CDK6: variants seen among roughly 807,000 people sequenced by gnomAD.
The protein encoded by CDK6 is cyclin-dependent kinase 6.
Under a neutral mutation model 37.1 loss-of-function variants are expected in CDK6, and 6 were observed. The ratio of observed to expected loss-of-function variants is 0.16; its 90% CI spans 0.09 to 0.32. The LOEUF (loss-of-function observed/expected upper bound fraction) is 0.32. CDK6 is among the 10% of genes least tolerant of loss of function. CDK6 has a pLI of 1.00. For synonymous variants in CDK6, 160 were observed against 161.3 expected, an observed-to-expected ratio of 0.99 and a Z score of 0.06; for missense variants, 224 against 418.9, an observed-to-expected ratio of 0.53 and a Z score of 4.06.
chr7:92,765,198 C>A (rs923595345), intron 3 of CDK6, among the ~76,000 whole-genome samples: 1 of 152,016 alleles, frequency 6.6e-6, no homozygotes, highest in Admixed American at 6.5e-5. Flanking sequence ...TCCTGAGATA[C>A]GAGAATAGGG....
intron 4 of CDK6, among the ~76,000 whole-genome samples, chr7:92,672,122 C>T (rs1797083981): frequency 8.6e-6 from 1 of 116,496 alleles, no homozygotes; most frequent in African/African-American, 3.3e-5. Context: ...CACTTGTACC[C>T]CAAAAGCTGT....
chr7:92,688,672 C>T (rs1319311756), intron 4 of CDK6, among the ~76,000 whole-genome samples: 1 of 149,380 alleles, frequency 6.7e-6, no homozygotes, highest in East Asian at 2.0e-4. Flanking sequence ...AAGAACTGAA[C>T]TTAGTATTCT....
chr7:92,732,395 C>T (rs1012361055), intron 3 of CDK6, among the ~76,000 whole-genome samples: 17 of 152,150 alleles, frequency 1.1e-4, no homozygotes, highest in African/African-American at 3.9e-4. Context: ...CCAGCCTGGG[C>T]GACAGCTCTC....
At chr7:92,823,489 A>G (rs1224056970) in intron 2 of CDK6, among the ~76,000 whole-genome samples, 2 of 144,666 alleles carry the variant, frequency 1.4e-5, no homozygotes, top group African/African-American at 2.5e-5. Flanking sequence ...CAAAGAAGCT[A>G]TGTTCTCCCA....
intron 4 of CDK6, among the ~76,000 whole-genome samples, chr7:92,672,242 C>CACACACATAT (rs1374477819): frequency 2.6e-5 from 3 of 116,592 alleles, no homozygotes; most frequent in African/African-American, 8.6e-5. Context: ...CACACACACA[C>CACACACATAT]ATATATGAAG....
At chr7:92,689,091 T>G (rs1024792040) in intron 4 of CDK6, among the ~76,000 whole-genome samples, 1 of 152,186 alleles carries the variant, frequency 6.6e-6, no homozygotes. Context: ...TGGCCAACAC[T>G]CAGTGCCAGT....
At chr7:92,644,858 C>G (rs1303367274) in intron 5 of CDK6, among the ~76,000 whole-genome samples, 1 of 152,222 alleles carries the variant, frequency 6.6e-6, no homozygotes, top group Non-Finnish European at 1.5e-5. Context: ...GTCACCACCC[C>G]AGGCTGCCAA....
intron 3 of CDK6, among the ~76,000 whole-genome samples, chr7:92,729,881 A>G (rs1042820379): frequency 2.6e-5 from 4 of 152,154 alleles, no homozygotes; most frequent in African/African-American, 7.2e-5. Context: ...CTGGGACTAC[A>G]GGTGTGTGTT....
intron 4 of CDK6, among the ~76,000 whole-genome samples, chr7:92,698,627 T>G (rs1433425146): frequency 2.0e-5 from 3 of 152,212 alleles, no homozygotes; most frequent in African/African-American, 7.2e-5. Context: ...TGATTATGTA[T>G]TGTTTAACCA....
At chr7:92,760,002 C>G (rs139301627) in intron 3 of CDK6, among the ~76,000 whole-genome samples, 1 of 152,142 alleles carries the variant, frequency 6.6e-6, no homozygotes, top group Admixed American at 6.5e-5. Flanking sequence ...TATCTATTCA[C>G]GGACAATCTC....
At chr7:92,739,663 T>C (rs1171952645) in intron 3 of CDK6, among the ~76,000 whole-genome samples, 1 of 152,276 alleles carries the variant, frequency 6.6e-6, no homozygotes, top group African/African-American at 2.4e-5. Flanking sequence ...TCAGTATCTC[T>C]TGCCTGGATT....
intron 2 of CDK6, among the ~76,000 whole-genome samples, chr7:92,800,996 C>T (rs994060250): frequency 3.9e-5 from 6 of 152,174 alleles, no homozygotes; most frequent in Non-Finnish European, 7.4e-5. Flanking sequence ...CAGTAACTTC[C>T]GAAATGATGG....
intron 2 of CDK6, among the ~76,000 whole-genome samples, chr7:92,800,038 T>C (rs940115217): frequency 3.3e-5 from 5 of 152,220 alleles, no homozygotes; most frequent in African/African-American, 1.2e-4. Flanking sequence ...TTGTTGACCC[T>C]ACAGCTCTGT....
In CDK6 at chr7:92,621,442, C is replaced by A. The variant is rs1202714887; in HGVS notation, c.698+1594G>T. On this transcript the variant is annotated intron_variant, in intron 6 of 7. Coordinates refer to ENST00000424848, the MANE Select transcript of CDK6 (RefSeq NM_001145306.2). ...TCACTGGCCTCATGTACTAAGGGGG[C>A]ACTAACAATGTTAACAAGATTGCAG... Among the ~76,000 whole-genome samples, 3 of 152,150 alleles carry A rather than the reference C, an allele frequency of 2.0e-5. No individual in the cohort carries two copies. The East Asian group carries it at 5.8e-4, about 29-fold the overall frequency.
intron 2 of CDK6, among the ~76,000 whole-genome samples, chr7:92,780,378 T>C (rs1799956134): frequency 6.6e-6 from 1 of 152,166 alleles, no homozygotes; most frequent in Non-Finnish European, 1.5e-5. Context: ...TGTATTTATA[T>C]AAATCAATAA....
At chr7:92,734,688 G>C (rs1798741237) in intron 3 of CDK6, among the ~76,000 whole-genome samples, 2 of 152,318 alleles carry the variant, frequency 1.3e-5, no homozygotes, top group South Asian at 4.1e-4. Context: ...CTTTTAGGAG[G>C]AATGCGATAA....
chr7:92,770,562 T>C (rs1799688005), intron 3 of CDK6, among the ~76,000 whole-genome samples: 1 of 152,156 alleles, frequency 6.6e-6, no homozygotes, highest in Non-Finnish European at 1.5e-5. Context: ...TTAATGTCTT[T>C]TTTATTTTTC....
chr7:92,708,896 T>A (rs1243579142), intron 4 of CDK6, among the ~76,000 whole-genome samples: 1 of 152,208 alleles, frequency 6.6e-6, no homozygotes, highest in Admixed American at 6.5e-5. Context: ...ATTACATCAG[T>A]AGTGGCTACT....
intron 2 of CDK6, among the ~76,000 whole-genome samples, chr7:92,825,706 A>G (rs985220390): frequency 6.6e-6 from 1 of 152,190 alleles, no homozygotes; most frequent in African/African-American, 2.4e-5. Flanking sequence ...CACTATTGAA[A>G]GCCAAAGAAA....
Sources: allele counts gnomAD v4.1 joint callset (sites outside exome capture counted in the v4.1 genomes callset), GRCh38; gene constraint gnomAD v4.1.1; transcripts MANE v1.5; gene names NCBI Gene and HGNC (gene_info 2026-07-23, HGNC 2026-07-21).